Variants in RBFOX1 observed in about 807,000 individuals in gnomAD.
RBFOX1 encodes the protein RNA binding fox-1 homolog 1, also known as RNA binding protein fox-1 homolog 1.
Under a neutral mutation model 57.7 loss-of-function variants are expected in RBFOX1, and 8 were observed. The ratio of observed to expected loss-of-function variants is 0.14; its 90% confidence interval spans 0.08 to 0.25. The LOEUF (loss-of-function observed/expected upper bound fraction) is 0.25. Among genes scored for constraint, RBFOX1 ranks in the 10% least tolerant of loss-of-function variants. RBFOX1 has a pLI of 1.00. For missense variants in RBFOX1, 611 were observed against 548.5 expected (o/e 1.11, Z -1.14); for synonymous variants, 326 against 222.4 (o/e 1.47, Z -4.15).
chr16:5,388,239 C>G (rs2066307928), intron 1 of RBFOX1, among the ~76,000 whole-genome samples: 1 of 152,176 alleles, frequency 6.6e-6, no homozygotes, highest in Non-Finnish European at 1.5e-5. Context: ...GTCTCTGCCT[C>G]ACCGTGCTTC....
chr16:7,014,591 G>A (rs777754547), intron 3 of RBFOX1, among the ~76,000 whole-genome samples: 1 of 151,814 alleles, frequency 6.6e-6, no homozygotes, highest in Non-Finnish European at 1.5e-5. Flanking sequence ...ATTTTAAAGG[G>A]GATAACTGTC....
intron 4 of RBFOX1, among the ~76,000 whole-genome samples, chr16:7,205,563 C>T: frequency 6.6e-6 from 1 of 150,998 alleles, no homozygotes; most frequent in Non-Finnish European, 1.5e-5. Flanking sequence ...CGGAAATAAA[C>T]ATGAACCTTT....
chr16:7,153,082 T>C (rs1403183400), intron 4 of RBFOX1, among the ~76,000 whole-genome samples: 3 of 152,216 alleles, frequency 2.0e-5, no homozygotes, highest in Non-Finnish European at 4.4e-5. Context: ...TAATATTTTG[T>C]ACAAAACTTG....
At chr16:6,289,923 C>A (rs2077292673) in intron 1 of RBFOX1, among the ~76,000 whole-genome samples, 1 of 151,912 alleles carries the variant, frequency 6.6e-6, no homozygotes, top group South Asian at 2.1e-4. Context: ...AATCTGAATG[C>A]CTTTGATAGT....
chr16:6,988,422 A>G (rs964051634), intron 3 of RBFOX1, among the ~76,000 whole-genome samples: 2 of 152,200 alleles, frequency 1.3e-5, no homozygotes, highest in African/African-American at 4.8e-5. Flanking sequence ...GACTTAGTAT[A>G]TGAAAGTGTT....
At chr16:7,455,580 T>G (rs2150347331) in intron 4 of RBFOX1, among the ~76,000 whole-genome samples, 1 of 151,974 alleles carries the variant, frequency 6.6e-6, no homozygotes, top group Admixed American at 6.6e-5. Flanking sequence ...TTTCTTTAGT[T>G]CAAGAGTTCG....
At chr16:6,663,580 G>A (rs1185620211) in intron 3 of RBFOX1, among the ~76,000 whole-genome samples, 2 of 152,170 alleles carry the variant, frequency 1.3e-5, no homozygotes, top group South Asian at 2.1e-4. Flanking sequence ...AGACCAAAGC[G>A]AAGATACTTA....
intron 1 of RBFOX1, among the ~76,000 whole-genome samples, chr16:5,407,852 G>C (rs189774338): frequency 5.3e-5 from 8 of 152,226 alleles, no homozygotes; most frequent in African/African-American, 1.9e-4. Context: ...CATGGCCCAG[G>C]CCTTTGGGCT....
intron 3 of RBFOX1, among the ~76,000 whole-genome samples, chr16:5,732,952 G>A (rs1597017565): frequency 6.6e-6 from 1 of 152,144 alleles, no homozygotes; most frequent in African/African-American, 2.4e-5. Context: ...GGTGGGTTGA[G>A]CTTTTTGGGG....
intron 4 of RBFOX1, among the ~76,000 whole-genome samples, chr16:7,135,401 C>G (rs776490909): frequency 1.3e-5 from 2 of 152,174 alleles, no homozygotes; most frequent in Non-Finnish European, 2.9e-5. Flanking sequence ...TGAGCATGCA[C>G]AAAGTAAGAT....
At chr16:6,584,722 C>G (rs957098377) in intron 2 of RBFOX1, among the ~76,000 whole-genome samples, 2 of 152,142 alleles carry the variant, frequency 1.3e-5, no homozygotes, top group African/African-American at 4.8e-5. Flanking sequence ...TACTCCCAGT[C>G]CTTCCACCCT....
At chr16:6,082,102 T>A (rs74004725) in intron 1 of RBFOX1, among the ~76,000 whole-genome samples, 2,903 of 152,186 alleles carry the variant, frequency 0.019, 110 homozygotes, top group African/African-American at 0.065. Context: ...TGGTACCTGA[T>A]TCAGAGGTTG....
chr16:5,797,449 T>A (rs538439173), intron 3 of RBFOX1, among the ~76,000 whole-genome samples: 1 of 152,322 alleles, frequency 6.6e-6, no homozygotes, highest in East Asian at 1.9e-4. Context: ...AAGGTGTGTT[T>A]CCTTGTTGTT....
At chr16:6,996,208 C>T (rs1049403038) in intron 3 of RBFOX1, among the ~76,000 whole-genome samples, 1 of 152,162 alleles carries the variant, frequency 6.6e-6, no homozygotes, top group African/African-American at 2.4e-5. Context: ...ATTTCCTAGC[C>T]ATCTTGAATA....
At chr16:7,188,583 A>G (rs78732621) in intron 4 of RBFOX1, among the ~76,000 whole-genome samples, 3,746 of 152,266 alleles carry the variant, frequency 0.025, 75 homozygotes, top group Non-Finnish European at 0.042. Context: ...TTTATACTCT[A>G]AGCAATTAAG....
intron 1 of RBFOX1, among the ~76,000 whole-genome samples, chr16:6,217,575 G>T (rs2097344018): frequency 6.6e-6 from 1 of 152,176 alleles, no homozygotes; most frequent in Admixed American, 6.5e-5. Flanking sequence ...TGCGCCTCCT[G>T]TCCCAGGCCC....
intron 4 of RBFOX1, among the ~76,000 whole-genome samples, chr16:5,937,348 G>A (rs1329307531): frequency 6.6e-6 from 1 of 152,134 alleles, no homozygotes; most frequent in South Asian, 2.1e-4. Flanking sequence ...GAGAACTGAA[G>A]ACCTCTACCT....
intron 4 of RBFOX1, among the ~76,000 whole-genome samples, chr16:7,222,483 GCAAGGAAGTGA>G (rs2152858332): frequency 6.6e-6 from 1 of 152,272 alleles, no homozygotes; most frequent in East Asian, 1.9e-4. Context: ...AGTTGGCAAT[GCAAGGAAGTGA>G]CAACCTAATG....
intron 1 of RBFOX1, among the ~76,000 whole-genome samples, chr16:5,373,945 CT>C (rs1278068409): frequency 6.6e-6 from 1 of 151,226 alleles, no homozygotes; most frequent in African/African-American, 2.4e-5. Context: ...GAGATGGAGT[CT>C]TACTCTTGTC....
Sources: allele counts gnomAD v4.1 joint callset (sites outside exome capture counted in the v4.1 genomes callset), GRCh38; gene constraint gnomAD v4.1.1; transcripts MANE v1.5; gene names NCBI Gene and HGNC (gene_info 2026-07-23, HGNC 2026-07-21).